The following FREM1 variants were observed in gnomAD, a reference collection of about 807,000 sequenced individuals.
FREM1 encodes the protein FRAS1-related extracellular matrix protein 1.
In FREM1, 220 loss-of-function variants were observed where a neutral mutation model predicts 210.1. The ratio of observed to expected loss-of-function variants is 1.05; its 90% confidence interval spans 0.94 to 1.17. The LOEUF (loss-of-function observed/expected upper bound fraction) is 1.17. Ranked by LOEUF, FREM1 falls within the 50% of genes most tolerant of loss-of-function variation. The probability of loss-of-function intolerance (pLI) is 0.00; values close to 1 mark genes in which losing one functional copy is unlikely to be tolerated. For synonymous variants in FREM1, 1,189 were observed against 980.2 expected (o/e 1.21, Z -3.98); for missense variants, 3,454 against 2,675.5 (o/e 1.29, Z -6.42).
At chr9:14,863,282 A>C (rs992395836) in intron 3 of FREM1, among the ~76,000 whole-genome samples, 1 of 150,300 alleles carries the variant, frequency 6.7e-6, no homozygotes, top group African/African-American at 2.5e-5. Flanking sequence ...CAGAGGTTGC[A>C]GTGAGCCGAG....
At chr9:14,870,999 G>T (rs1477422408) in intron 1 of FREM1, among the ~76,000 whole-genome samples, 2 of 151,852 alleles carry the variant, frequency 1.3e-5, no homozygotes, top group African/African-American at 4.8e-5. Context: ...ATTTTTTATG[G>T]CTGCATAGTA....
Position 14,868,805 on chromosome 9 carries a change from C to A in FREM1, c.173G>T (p.Cys58Phe), listed in dbSNP as rs747607735. ...CTCATTCATCACAACTTCCACTTTG[C>A]AGGCATCTTTCTCTTTAGGGATGGC... The part of the protein sequence containing the change: ...KFAIPKEKDA[C>F]KVEVVMNEPI... Residue 58 changes from cysteine to phenylalanine, a missense_variant, in exon 2 of 37, where the codon TGC (cysteine) becomes TTC (phenylalanine). Physicochemically the swap from Cys to Phe is radical, Grantham distance 205. Coordinates refer to ENST00000380880, the MANE Select transcript of FREM1 (RefSeq NM_001379081.2). 1 of 1,613,128 alleles carries A rather than the reference C, an allele frequency of 6.2e-7. No homozygotes were observed. The highest frequency in any genetic ancestry group is 8.5e-7 in the Non-Finnish European group (1 of 1,179,536).
Position 14,775,878 on chromosome 9 carries a change from A to G in FREM1, c.4768T>C (p.Cys1590Arg). 6.2e-7 allele frequency: 1 copy of G among 1,613,936 alleles called. No homozygotes were observed. Among genetic ancestry groups the G allele is most frequent in the Non-Finnish European group, 8.5e-7 (1 of 1,179,818 alleles). ...CCATCTGTGGCCATGAAAGTAAAGC[A>G]GTCAGTCTGGGAGTCCCCTCCTGAG... ...RHSGGDSQTD[C>R]FTFMATDGTN... Residue 1590 changes from cysteine (C) to arginine (R), a missense_variant, in exon 25 of 37, where the codon TGC becomes CGC. Physicochemically the swap from Cys to Arg is radical, Grantham distance 180. Transcript: ENST00000380880.
intron 1 of FREM1, among the ~76,000 whole-genome samples, chr9:14,906,027 CTCTTT>C (rs1223304413): frequency 2.6e-5 from 4 of 152,282 alleles, no homozygotes; most frequent in South Asian, 2.1e-4. Context: ...TTTCCTGTTT[CTCTTT>C]TCTTTTCATC....
At chr9:14,817,349 A>T (rs1422769264) in intron 14 of FREM1, among the ~76,000 whole-genome samples, 1 of 152,158 alleles carries the variant, frequency 6.6e-6, no homozygotes, top group Non-Finnish European at 1.5e-5. Flanking sequence ...ACCTTGATCA[A>T]TGAATTATGT....
intron 10 of FREM1, among the ~76,000 whole-genome samples, chr9:14,829,357 G>T (rs1823106376): frequency 6.6e-6 from 1 of 152,194 alleles, no homozygotes; most frequent in Non-Finnish European, 1.5e-5. Flanking sequence ...CTTTTCCACA[G>T]CCTGCTCCAT....
chr9:14,801,829 C>T lies in FREM1; in HGVS notation c.3517G>A (p.Ala1173Thr), dbSNP rs564039071. The change falls in exon 20 of 37, where the codon GCT becomes ACT. Residue 1173 changes from alanine to threonine, a missense_variant. Transcript: ENST00000380880. ...TCCTGGGGAATGTCCAGGTCCACAG[C>T]GCTGATGATGGAAGAGTCCAGCTCT... ...MKELDSSIISAVDLDIPQDAL... is the reference protein window; with the variant it reads ...MKELDSSIISTVDLDIPQDAL... 11 of 1,613,782 alleles carry T rather than the reference C, an allele frequency of 6.8e-6. No individual in the cohort carries two copies. The highest frequency in any genetic ancestry group is 1.7e-4 in the Middle Eastern group (1 of 6,056).
At chr9:14,876,057 C>T (rs1477253920) in intron 1 of FREM1, among the ~76,000 whole-genome samples, 1 of 151,896 alleles carries the variant, frequency 6.6e-6, no homozygotes, top group African/African-American at 2.4e-5. Flanking sequence ...GAGGAGTACC[C>T]GGCCGTGTGA....
chr9:14,899,624 G>A (rs1479562495), intron 1 of FREM1, among the ~76,000 whole-genome samples: 4 of 152,184 alleles, frequency 2.6e-5, no homozygotes, highest in African/African-American at 7.2e-5. Context: ...CATTTTAAAA[G>A]TGAAACCAGT....
chr9:14,798,827 C>A (rs1227062024), intron 20 of FREM1, among the ~76,000 whole-genome samples: 2 of 151,964 alleles, frequency 1.3e-5, no homozygotes, highest in African/African-American at 4.8e-5. Context: ...ACAGGTGTGA[C>A]CACACCTGGC....
At chr9:14,820,323 G>C (rs1489906869) in intron 13 of FREM1, among the ~76,000 whole-genome samples, 8 of 152,200 alleles carry the variant, frequency 5.3e-5, no homozygotes, top group African/African-American at 1.9e-4. Flanking sequence ...AAAGCAAGCA[G>C]ATACAGTGGG....
intron 19 of FREM1, among the ~76,000 whole-genome samples, chr9:14,803,037 T>G (rs74741655): frequency 1.9e-3 from 266 of 138,870 alleles, no homozygotes; most frequent in African/African-American, 5.4e-3. Flanking sequence ...TTTCTCTTTC[T>G]TTTCTTCTTT....
chr9:14,843,125 A>G (rs1825973551), intron 8 of FREM1, among the ~76,000 whole-genome samples: 2 of 152,230 alleles, frequency 1.3e-5, no homozygotes, highest in South Asian at 4.1e-4. Flanking sequence ...ACAAAAAGGA[A>G]GAGGAAAGGG....
intron 1 of FREM1, among the ~76,000 whole-genome samples, chr9:14,906,006 A>G (rs1306112780): frequency 6.6e-6 from 1 of 152,184 alleles, no homozygotes; most frequent in Admixed American, 6.5e-5. Context: ...GGGATCTGGA[A>G]TGTAACTTTA....
intron 35 of FREM1, among the ~76,000 whole-genome samples, chr9:14,744,804 T>C (rs1842130581): frequency 6.6e-6 from 1 of 152,188 alleles, no homozygotes; most frequent in South Asian, 2.1e-4. Context: ...CATATAACTT[T>C]ATAAGAAACT....
Position 14,813,046 on chromosome 9 carries a change from C to G in FREM1, c.2659G>C (p.Glu887Gln). Residue 887 changes from glutamate to glutamine, a missense_variant, in exon 16 of 37, where the codon GAG becomes CAG. Coordinates refer to ENST00000380880, the MANE Select transcript of FREM1 (RefSeq NM_001379081.2). The part of the protein sequence containing the change: ...LHVEVFPVND[E>Q]PPVLKADLMP... ...AGGTCAGCCTTTAAGACTGGTGGCT[C>G]ATCGTTGACAGGGAATACCTAGGCA... The G allele has an allele frequency of 6.2e-7, 1 of 1,609,494 alleles. No homozygotes were observed.
At chr9:14,830,259 G>C (rs7024906) in intron 10 of FREM1, among the ~76,000 whole-genome samples, 1 of 152,094 alleles carries the variant, frequency 6.6e-6, no homozygotes, top group Non-Finnish European at 1.5e-5. Flanking sequence ...TGAATATGAA[G>C]ACCAAGGCCA....
At chr9:14,823,016 TC>T in intron 13 of FREM1, 143 bp downstream of exon 13, 2 of 516,892 alleles carry the variant, frequency 3.9e-6, no homozygotes, top group Non-Finnish European at 6.2e-6. Context: ...GCTTTTTTCT[TC>T]TTTTTTTTAC....
In FREM1 at chr9:14,819,355, G is replaced by C. The variant is rs1396527584; in HGVS notation, c.2425C>G (p.Leu809Val). 1 of 1,613,372 alleles carries C rather than the reference G, an allele frequency of 6.2e-7. No individual in the cohort carries two copies. The highest frequency in any genetic ancestry group is 8.5e-7 in the Non-Finnish European group (1 of 1,179,348). The change falls in exon 14 of 37, where the codon CTG becomes GTG. Residue 809 changes from leucine to valine, a missense_variant. Physicochemically the swap from Leu to Val is conservative, Grantham distance 32 (BLOSUM62 1). Transcript: ENST00000380880. Reference protein sequence around the residue: ...HILISDADTKLDNIDLSLREL... With the variant: ...HILISDADTKVDNIDLSLREL... ...CGCAGGGAGAGGTCAATATTGTCCA[G>C]CTTGGTATCTGCATCAGAAATTAGA...
Sources: gnomAD v4.1 joint callset for allele counts (sites outside exome capture counted in the v4.1 genomes callset) on GRCh38, gnomAD v4.1.1 for gene constraint, MANE v1.5 for transcripts, NCBI Gene and HGNC (gene_info 2026-07-23, HGNC 2026-07-21) for gene names.